SCN2A: variants seen among roughly 807,000 people sequenced by gnomAD.
SCN2A encodes the protein sodium channel protein type 2 subunit alpha.
A neutral mutation model predicts 188.7 loss-of-function variants in SCN2A; 20 were observed. That is an observed-to-expected ratio of 0.11 (90% CI 0.07 to 0.15). SCN2A has a LOEUF of 0.15. Among genes scored for constraint, SCN2A ranks in the 10% least tolerant of loss-of-function variants. The probability of loss-of-function intolerance (pLI) is 1.00; values close to 1 mark genes in which losing one functional copy is unlikely to be tolerated. For missense variants in SCN2A, 1,278 were observed against 2,445.0 expected (o/e 0.52, Z 10.07); for synonymous variants, 804 against 833.1 (o/e 0.97, Z 0.60).
chr2:165,311,785 T>C (rs1697442938), intron 7 of SCN2A, among the ~76,000 whole-genome samples: 1 of 152,138 alleles, frequency 6.6e-6, no homozygotes, highest in South Asian at 2.1e-4. Context: ...AATGTTATCA[T>C]AGTAATTCCT....
At position 165,294,933 on chromosome 2, in the gene SCN2A, G is replaced by C. The variant is rs533041565; in HGVS notation, c.-51-840G>C. Among the ~76,000 whole-genome samples, 116 of 152,290 alleles carry C rather than the reference G, an allele frequency of 7.6e-4. 1 individual carries two copies. Among genetic ancestry groups the C allele is most frequent in the South Asian group, 2.3e-3 (11 of 4,824 alleles). On this transcript the variant is annotated intron_variant, in intron 1 of 26. Coordinates refer to ENST00000375437, the MANE Select transcript of SCN2A (RefSeq NM_001040142.2). Reference sequence around the variant, plus strand: ...CTGATATGGACACTAAGACTGTGATGCTACGTTTTTATGAAATGGGCATAA... The same window carrying C: ...CTGATATGGACACTAAGACTGTGATCCTACGTTTTTATGAAATGGGCATAA...
chr2:165,243,181 A>G (rs974100436), intron 1 of SCN2A, among the ~76,000 whole-genome samples: 1 of 152,190 alleles, frequency 6.6e-6, no homozygotes, highest in African/African-American at 2.4e-5. Flanking sequence ...GCCAACACAT[A>G]TCTATTATAC....
At chr2:165,293,907 T>G in intron 1 of SCN2A, 2 of 978,902 alleles carry the variant, frequency 2.0e-6, no homozygotes, top group Non-Finnish European at 2.4e-6. Flanking sequence ...TAGTGGTAGT[T>G]ACAATAATGC....
chr2:165,309,341 C>T lies in SCN2A; in HGVS notation c.606-11C>T. On this transcript the variant is annotated splice_polypyrimidine_tract_variant and intron_variant, in intron 5 of 26. Transcript: ENST00000375437. ...CTGTCATTGTGTTTGTGTGTGAACCCCCTATTACAGATATGTGACAGAGTT... is the reference window on the plus strand; with the variant it reads ...CTGTCATTGTGTTTGTGTGTGAACCTCCTATTACAGATATGTGACAGAGTT... 6.2e-7 allele frequency: 1 copy of T among 1,613,574 alleles called. No homozygotes were observed. Among genetic ancestry groups the T allele is most frequent in the Non-Finnish European group, 8.5e-7 (1 of 1,179,684 alleles).
chr2:165,340,650 T>C (rs1699262185), intron 14 of SCN2A, among the ~76,000 whole-genome samples: 2 of 152,206 alleles, frequency 1.3e-5, no homozygotes, highest in East Asian at 1.9e-4. Flanking sequence ...ATGTAACTTA[T>C]TATAAAAGGA....
chr2:165,315,445 C>A (rs755519448), intron 10 of SCN2A, 26 bp from the exon 11 acceptor site: 33 of 1,613,082 alleles, frequency 2.0e-5, no homozygotes, highest in Middle Eastern at 3.3e-4. Flanking sequence ...TTATATGCAA[C>A]TTCCACATAC....
intron 1 of SCN2A, chr2:165,272,295 C>A (rs1695139697): frequency 6.6e-6 from 1 of 151,688 alleles, no homozygotes; most frequent in Non-Finnish European, 1.5e-5. Context: ...GAAAAAAAGG[C>A]CAATTTGTAA....
intron 1 of SCN2A, among the ~76,000 whole-genome samples, chr2:165,248,769 C>A (rs1693968051): frequency 6.6e-6 from 1 of 152,058 alleles, no homozygotes; most frequent in Non-Finnish European, 1.5e-5. Context: ...TGATGTTTCA[C>A]AAATGCTTAG....
Position 165,389,572 on chromosome 2 carries a change from G to A in SCN2A, c.5766G>A (p.Lys1922=). 1.9e-6 allele frequency: 3 copies of A among 1,613,850 alleles called. No homozygotes were observed. Among genetic ancestry groups the A allele is most frequent in the East Asian group, 2.2e-5 (1 of 44,850 alleles). The part of the protein sequence containing the change: ...IQRAYRRYLL[K]QKVKKVSSIY... ...GGGCTTACAGACGCTACCTCTTGAAGCAAAAAGTTAAAAAGGTATCAAGTA... is the reference window on the plus strand; with the variant it reads ...GGGCTTACAGACGCTACCTCTTGAAACAAAAAGTTAAAAAGGTATCAAGTA... The change falls in exon 27 of 27, where the codon AAG becomes AAA. Residue 1922 remains lysine (K), a synonymous_variant. Transcript: ENST00000375437. This position sits in a 1 kb window ranked among gnomAD's most constrained non-coding sequence, Gnocchi z 4.2.
chr2:165,349,218 T>A (rs1042071778), intron 16 of SCN2A, among the ~76,000 whole-genome samples: 5 of 152,350 alleles, frequency 3.3e-5, no homozygotes, highest in Admixed American at 3.3e-4. Context: ...GAATCCTTTA[T>A]GACAACATGA....
At chr2:165,373,414 G>A (rs1701146077) in intron 21 of SCN2A, 67 bp downstream of exon 21, 2 of 1,552,430 alleles carry the variant, frequency 1.3e-6, no homozygotes, top group Non-Finnish European at 8.9e-7. Context: ...TTGTACCATG[G>A]AAATGTCAAA....
chr2:165,283,365 T>C (rs1021744500), intron 1 of SCN2A, among the ~76,000 whole-genome samples: 3 of 152,166 alleles, frequency 2.0e-5, no homozygotes, highest in Non-Finnish European at 2.9e-5. Context: ...GAGGGCATCA[T>C]ATAAGTGTAA....
intron 25 of SCN2A, among the ~76,000 whole-genome samples, chr2:165,384,169 A>G (rs1278593826): frequency 6.6e-6 from 1 of 152,146 alleles, no homozygotes; most frequent in Non-Finnish European, 1.5e-5. Context: ...GGAAATTAAA[A>G]TAATATGAAA....
intron 23 of SCN2A, among the ~76,000 whole-genome samples, chr2:165,378,292 C>G (rs1331806449): frequency 6.7e-6 from 1 of 148,810 alleles, no homozygotes; most frequent in Non-Finnish European, 1.5e-5. Flanking sequence ...TTCCCTAGCA[C>G]CAGCAGCTAG....
intron 16 of SCN2A, among the ~76,000 whole-genome samples, chr2:165,351,892 A>G (rs1376418676): frequency 6.6e-6 from 1 of 150,738 alleles, no homozygotes; most frequent in Non-Finnish European, 1.5e-5. Flanking sequence ...TTTTTTAAAG[A>G]ATCCAATATA....
intron 1 of SCN2A, chr2:165,293,904 A>C: frequency 1.0e-5 from 10 of 975,256 alleles, no homozygotes; most frequent in Non-Finnish European, 1.2e-5. Flanking sequence ...CTCTAGTGGT[A>C]GTTACAATAA....
chr2:165,309,924 G>A (rs146742367), intron 6 of SCN2A, among the ~76,000 whole-genome samples: 21 of 152,078 alleles, frequency 1.4e-4, no homozygotes, highest in Non-Finnish European at 1.9e-4. Flanking sequence ...ATAATTCATC[G>A]ACTTCAAGAT....
chr2:165,282,018 T>C (rs1219560268), intron 1 of SCN2A, among the ~76,000 whole-genome samples: 1 of 152,130 alleles, frequency 6.6e-6, no homozygotes, highest in Non-Finnish European at 1.5e-5. Context: ...TTTTCACCTT[T>C]TTCCAGCAAC....
Position 165,389,347 on chromosome 2 carries a change from G to C in SCN2A, c.5541G>C (p.Val1847=), listed in dbSNP as rs371704720. 20 of 1,614,062 alleles carry C rather than the reference G, an allele frequency of 1.2e-5. No individual in the cohort carries two copies. Among genetic ancestry groups the C allele is most frequent in the East Asian group, 2.2e-5 (1 of 44,870 alleles). ...TCATTGCCATGGATCTGCCCATGGT[G>C]AGTGGTGACCGGATCCACTGTCTTG... is the stretch of plus-strand genomic sequence containing the variant. ...VQLIAMDLPM[V]SGDRIHCLDI... The change falls in exon 27 of 27, where the codon GTG becomes GTC. Residue 1847 remains valine (V), a synonymous_variant. Transcript: ENST00000375437. This position sits in a 1 kb window ranked among gnomAD's most constrained non-coding sequence, Gnocchi z 4.2.
Sources: gnomAD v4.1 joint callset for allele counts (sites outside exome capture counted in the v4.1 genomes callset) on GRCh38, gnomAD v4.1.1 for gene constraint, Gnocchi (gnomAD v3.1) non-coding constraint, MANE v1.5 for transcripts, NCBI Gene and HGNC (gene_info 2026-07-23, HGNC 2026-07-21) for gene names.